KCNIP4: variants seen among roughly 807,000 people sequenced by gnomAD.
The protein encoded by KCNIP4 is potassium voltage-gated channel interacting protein 4.
In KCNIP4, 12 loss-of-function variants were observed where a neutral mutation model predicts 34.0. That is an observed-to-expected ratio of 0.35 (90% CI 0.23 to 0.57). The LOEUF is 0.57. Among genes scored for constraint, KCNIP4 ranks in the 20% least tolerant of loss-of-function variants. The pLI, the probability that KCNIP4 is intolerant of heterozygous loss-of-function variation, is 0.83. For missense variants in KCNIP4, 238 were observed against 311.7 expected, an observed-to-expected ratio of 0.76 and a Z score of 1.78; for synonymous variants, 124 against 102.2, an observed-to-expected ratio of 1.21 and a Z score of -1.29.
chr4:21,668,048 G>A (rs4697228), intron 1 of KCNIP4, among the ~76,000 whole-genome samples: 45,173 of 152,068 alleles, frequency 0.3, 8,001 homozygotes, highest in East Asian at 0.75. Context: ...ATACTATGCA[G>A]CCATAAAAAG....
At chr4:21,526,534 CTTGA>C (rs1296882412) in intron 1 of KCNIP4, among the ~76,000 whole-genome samples, 1 of 151,916 alleles carries the variant, frequency 6.6e-6, no homozygotes, top group Non-Finnish European at 1.5e-5. Context: ...TGCACCTTTC[CTTGA>C]TTGATTGATA....
intron 1 of KCNIP4, among the ~76,000 whole-genome samples, chr4:20,957,580 C>T (rs1020541359): frequency 2.2e-5 from 2 of 92,930 alleles, no homozygotes; most frequent in African/African-American, 8.7e-5. Context: ...TAATCTGTAG[C>T]CTTCTCACCA....
At chr4:21,506,125 A>C (rs1320702390) in intron 1 of KCNIP4, among the ~76,000 whole-genome samples, 1 of 152,182 alleles carries the variant, frequency 6.6e-6, no homozygotes, top group East Asian at 1.9e-4. Flanking sequence ...CAACAACTTA[A>C]TAGAAATAAT....
At chr4:21,010,400 C>G (rs1284298018) in intron 1 of KCNIP4, among the ~76,000 whole-genome samples, 1 of 152,196 alleles carries the variant, frequency 6.6e-6, no homozygotes, top group Non-Finnish European at 1.5e-5. Context: ...GAACCACACT[C>G]TTAGTCTAAT....
At chr4:21,376,188 T>C (rs1174505378) in intron 1 of KCNIP4, among the ~76,000 whole-genome samples, 1 of 152,232 alleles carries the variant, frequency 6.6e-6, no homozygotes. Flanking sequence ...ATAAAACTTG[T>C]ATGTTAAAAA....
At chr4:20,998,488 T>TTACC (rs1166785000) in intron 1 of KCNIP4, among the ~76,000 whole-genome samples, 1 of 152,204 alleles carries the variant, frequency 6.6e-6, no homozygotes, top group Non-Finnish European at 1.5e-5. Context: ...ACACTATTGA[T>TTACC]TACCTATAAG....
chr4:21,367,719 T>G lies in KCNIP4; in HGVS notation c.62-485010A>C, dbSNP rs777398026. Among the ~76,000 whole-genome samples, 36 of 147,544 alleles carry G rather than the reference T, an allele frequency of 2.4e-4. 1 individual carries two copies. Among genetic ancestry groups the G allele is most frequent in the Non-Finnish European group, 4.7e-4 (32 of 68,030 alleles). On this transcript the variant is annotated intron_variant, in intron 1 of 8. Transcript: ENST00000382152. ...GAGTTTGCTCTGGTGGAAATACATC[T>G]GTGTAGGAGTTCCTGTTAAAAGAAG...
intron 1 of KCNIP4, among the ~76,000 whole-genome samples, chr4:21,185,005 G>T (rs568648905): frequency 6.6e-6 from 1 of 152,086 alleles, no homozygotes; most frequent in East Asian, 1.9e-4. Context: ...AAGCACATCC[G>T]AACAGGACAA....
At chr4:20,973,122 G>T (rs1735138064) in intron 1 of KCNIP4, among the ~76,000 whole-genome samples, 1 of 152,184 alleles carries the variant, frequency 6.6e-6, no homozygotes, top group African/African-American at 2.4e-5. Context: ...GCCAGACACT[G>T]ACTTCTCCTC....
chr4:21,930,199 C>T (rs1560187628), intron 1 of KCNIP4, among the ~76,000 whole-genome samples: 1 of 152,110 alleles, frequency 6.6e-6, no homozygotes, highest in Non-Finnish European at 1.5e-5. Flanking sequence ...AAGATTAAAG[C>T]TAGACATGGG....
intron 1 of KCNIP4, among the ~76,000 whole-genome samples, chr4:20,977,578 T>A (rs750719489): frequency 4.1e-4 from 63 of 152,014 alleles, no homozygotes; most frequent in Non-Finnish European, 7.9e-4. Flanking sequence ...CCAAAGTAAG[T>A]AAAAATAATT....
chr4:20,850,816 C>T (rs1720937881), intron 2 of KCNIP4, 149 bp from the exon 3 acceptor site: 2 of 787,450 alleles, frequency 2.5e-6, no homozygotes, highest in African/African-American at 1.7e-5. Flanking sequence ...AAGGCCTTTA[C>T]ATTTCCCAGT....
chr4:21,170,481 A>C (rs1291347354), intron 1 of KCNIP4, among the ~76,000 whole-genome samples: 1 of 152,182 alleles, frequency 6.6e-6, no homozygotes, highest in Non-Finnish European at 1.5e-5. Flanking sequence ...GTATCTAAAT[A>C]TGAATCTTCT....
At chr4:21,608,354 T>G (rs190618114) in intron 1 of KCNIP4, among the ~76,000 whole-genome samples, 1 of 152,314 alleles carries the variant, frequency 6.6e-6, no homozygotes, top group East Asian at 1.9e-4. Flanking sequence ...TCTTGCTCAT[T>G]CAGGCTGCTG....
intron 3 of KCNIP4, among the ~76,000 whole-genome samples, chr4:20,802,845 C>T (rs555839979): frequency 6.6e-5 from 10 of 152,046 alleles, no homozygotes; most frequent in East Asian, 1.9e-4. Flanking sequence ...GAGGCCGAGG[C>T]GGGCGGACCA....
chr4:20,943,741 G>C (rs1219430078), intron 1 of KCNIP4, among the ~76,000 whole-genome samples: 1 of 152,138 alleles, frequency 6.6e-6, no homozygotes, highest in Non-Finnish European at 1.5e-5. Flanking sequence ...ATGAGAAACA[G>C]TATTGAGACT....
intron 1 of KCNIP4, among the ~76,000 whole-genome samples, chr4:21,517,799 A>T (rs545265186): frequency 6.6e-6 from 1 of 152,152 alleles, no homozygotes; most frequent in Non-Finnish European, 1.5e-5. Context: ...TGGGAGTACA[A>T]TGCCACCACT....
intron 3 of KCNIP4, among the ~76,000 whole-genome samples, chr4:20,817,343 C>T (rs1266699871): frequency 6.6e-6 from 1 of 152,148 alleles, no homozygotes; most frequent in African/African-American, 2.4e-5. Flanking sequence ...TACTCTGGCT[C>T]CGATGTCCTT....
In KCNIP4 at chr4:21,234,246, A is replaced by G. The variant is rs868453937; in HGVS notation, c.62-351537T>C. Among the ~76,000 whole-genome samples, 40 of 118,968 alleles carry G rather than the reference A, an allele frequency of 3.4e-4. 1 individual carries two copies. The highest frequency in any genetic ancestry group is 2.1e-3 in the Admixed American group (21 of 9,994). 78.0% of individuals were successfully genotyped at this position (118,968 alleles called of 152,430 possible). On this transcript the variant is annotated intron_variant, in intron 1 of 8. Transcript: ENST00000382152. Reference sequence around the variant, plus strand: ...ATAACATATATAACATATATATAACATATATTATATATAACATATATAACA... The same window carrying G: ...ATAACATATATAACATATATATAACGTATATTATATATAACATATATAACA...
Sources: gnomAD v4.1 joint callset for allele counts (sites outside exome capture counted in the v4.1 genomes callset) on GRCh38, gnomAD v4.1.1 for gene constraint, MANE v1.5 for transcripts, NCBI Gene and HGNC (gene_info 2026-07-23, HGNC 2026-07-21) for gene names.